GLDN: variants seen among roughly 807,000 people sequenced by gnomAD.
The protein encoded by GLDN is gliomedin.
A neutral mutation model predicts 56.5 loss-of-function variants in GLDN; 47 were observed. The ratio of observed to expected loss-of-function variants is 0.83; its 90% CI spans 0.66 to 1.06. The LOEUF (loss-of-function observed/expected upper bound fraction) is 1.06. Ranked by LOEUF, GLDN falls within the 50% of genes least tolerant of loss-of-function variation. GLDN has a pLI of 0.00. For missense variants in GLDN, 782 were observed against 714.3 expected (o/e 1.09, Z -1.08); for synonymous variants, 332 against 278.8 (o/e 1.19, Z -1.90).
chr15:51,349,370 T>C (rs8028236), intron 1 of GLDN, among the ~76,000 whole-genome samples: 2,750 of 152,350 alleles, frequency 0.018, 88 homozygotes, highest in African/African-American at 0.063. Flanking sequence ...TAGACTGGGG[T>C]CAGCAAACTA....
chr15:51,397,426 TA>T, intron 5 of GLDN, 43 bp from the exon 6 acceptor site: 1 of 1,023,322 alleles, frequency 9.8e-7, no homozygotes, highest in Non-Finnish European at 1.3e-6. Flanking sequence ...TTCCCCCTTC[TA>T]CCTCTTGCCT....
intron 1 of GLDN, among the ~76,000 whole-genome samples, chr15:51,352,716 T>G (rs1167677451): frequency 6.6e-6 from 1 of 152,222 alleles, no homozygotes. Flanking sequence ...TGAAACTGCC[T>G]TAGCAAAGAT....
chr15:51,351,238 T>C, intron 1 of GLDN: 1 of 207,292 alleles, frequency 4.8e-6, no homozygotes, highest in Non-Finnish European at 1.0e-5. Flanking sequence ...CTGGAACTCC[T>C]GGGCTCAAGT....
intron 1 of GLDN, among the ~76,000 whole-genome samples, chr15:51,360,691 C>T (rs1273815868): frequency 2.6e-5 from 4 of 152,234 alleles, no homozygotes; most frequent in Admixed American, 1.3e-4. Flanking sequence ...TTCTCCCACC[C>T]CCTAAGTTGT....
chr15:51,374,525 A>G (rs749025304), intron 1 of GLDN, among the ~76,000 whole-genome samples: 3 of 152,140 alleles, frequency 2.0e-5, no homozygotes, highest in Non-Finnish European at 2.9e-5. Context: ...AAGCTGTGTG[A>G]TTTTGAGTAA....
chr15:51,378,790 G>A (rs556350024), intron 2 of GLDN, among the ~76,000 whole-genome samples: 1 of 152,364 alleles, frequency 6.6e-6, no homozygotes, highest in South Asian at 2.1e-4. Context: ...TGCAAAGTGA[G>A]AGGATCCTTT....
chr15:51,387,598 C>T (rs1326443428), intron 4 of GLDN, among the ~76,000 whole-genome samples: 1 of 152,114 alleles, frequency 6.6e-6, no homozygotes, highest in Non-Finnish European at 1.5e-5. Flanking sequence ...CGCAACCTTC[C>T]AGGCCATTGC....
At chr15:51,393,280 G>C (rs1172368472) in intron 4 of GLDN, among the ~76,000 whole-genome samples, 1 of 152,126 alleles carries the variant, frequency 6.6e-6, no homozygotes, top group African/African-American at 2.4e-5. Flanking sequence ...TTAAATCACT[G>C]GCAGTTAGGT....
chr15:51,374,099 A>C (rs75048755), intron 1 of GLDN, among the ~76,000 whole-genome samples: 3,144 of 152,288 alleles, frequency 0.021, 57 homozygotes, highest in Non-Finnish European at 0.03. Context: ...TAAATATCTC[A>C]ATTGACATTT....
At chr15:51,399,202 A>G (rs1216731265) in intron 6 of GLDN, among the ~76,000 whole-genome samples, 1 of 152,206 alleles carries the variant, frequency 6.6e-6, no homozygotes, top group African/African-American at 2.4e-5. Flanking sequence ...ATCAGGTGAC[A>G]GAAGGACTTC....
At position 51,354,085 on chromosome 15, in the gene GLDN, G is replaced by A. The variant is rs146995337; in HGVS notation, c.363+12038G>A. Among the ~76,000 whole-genome samples the A allele has an allele frequency of 2.2e-4, 33 of 152,214 alleles. No homozygotes were observed. The East Asian group carries it at 4.6e-3, about 21-fold the overall frequency. ...TGAAAGGTAGCCTTAAAACAACAAG[G>A]CCAACTAAAGATCGTTCAAAATGCA... On this transcript the variant is annotated intron_variant, in intron 1 of 9. Coordinates refer to ENST00000335449, the MANE Select transcript of GLDN (RefSeq NM_181789.4).
At chr15:51,361,198 C>A (rs1351499752) in intron 1 of GLDN, among the ~76,000 whole-genome samples, 1 of 152,172 alleles carries the variant, frequency 6.6e-6, no homozygotes, top group Non-Finnish European at 1.5e-5. Flanking sequence ...AAACACTCAT[C>A]CCTTCCTACC....
Position 51,400,734 on chromosome 15 carries a change from C to T in GLDN, c.1027+236C>T, listed in dbSNP as rs752925482. ...GGCATGAGGAGGGTAACCCAGATAT[C>T]GCCTGTTTTAGGACAAGTATCCAGA... On this transcript the variant is annotated intron_variant, in intron 8 of 9. Coordinates refer to ENST00000335449, the MANE Select transcript of GLDN (RefSeq NM_181789.4). Among the ~76,000 whole-genome samples the T allele has an allele frequency of 6.6e-5, 10 of 152,268 alleles. No homozygotes were observed. The South Asian group carries it at 1.2e-3, about 19-fold the overall frequency.
intron 4 of GLDN, chr15:51,384,128 G>T (rs150415472): frequency 1.9e-5 from 10 of 513,192 alleles, no homozygotes; most frequent in South Asian, 1.2e-4. Flanking sequence ...GAACTGACTC[G>T]CACCCTTCTG....
chr15:51,395,904 G>A (rs1233830278), intron 5 of GLDN, among the ~76,000 whole-genome samples: 2 of 152,130 alleles, frequency 1.3e-5, no homozygotes, highest in Non-Finnish European at 2.9e-5. Context: ...CATGGCGAGA[G>A]TAGGAGTGAG....
At chr15:51,344,792 CT>C (rs1306283034) in intron 1 of GLDN, among the ~76,000 whole-genome samples, 3 of 152,234 alleles carry the variant, frequency 2.0e-5, no homozygotes, top group African/African-American at 7.2e-5. Context: ...AGTTTCTCTA[CT>C]GTTGGCTGAA....
intron 1 of GLDN, among the ~76,000 whole-genome samples, chr15:51,353,845 A>G (rs1347036075): frequency 6.6e-6 from 1 of 151,634 alleles, no homozygotes; most frequent in Non-Finnish European, 1.5e-5. Context: ...GGCCAAATCT[A>G]CTTGACATTC....
intron 1 of GLDN, among the ~76,000 whole-genome samples, chr15:51,373,161 A>G (rs578017332): frequency 1.3e-5 from 2 of 152,346 alleles, no homozygotes; most frequent in South Asian, 2.1e-4. Flanking sequence ...TCTGCTCTCA[A>G]AATGCTTCCT....
At chr15:51,403,433 G>T (rs1275085685) in intron 9 of GLDN, among the ~76,000 whole-genome samples, 1 of 152,220 alleles carries the variant, frequency 6.6e-6, no homozygotes, top group Non-Finnish European at 1.5e-5. Flanking sequence ...GATGCACACA[G>T]TTCATGTTTC....
Sources: allele counts gnomAD v4.1 joint callset (sites outside exome capture counted in the v4.1 genomes callset), GRCh38; gene constraint gnomAD v4.1.1; transcripts MANE v1.5; gene names NCBI Gene and HGNC (gene_info 2026-07-23, HGNC 2026-07-21).